ARID1B: variants seen among roughly 807,000 people sequenced by gnomAD.
ARID1B encodes AT-rich interactive domain-containing protein 1B.
ARID1B carries 30 observed loss-of-function variants against 212.3 expected under a neutral mutation model. The ratio of observed to expected loss-of-function variants is 0.14; its 90% CI spans 0.11 to 0.19. ARID1B has a LOEUF of 0.19. Ranked by LOEUF, ARID1B falls within the 10% of genes least tolerant of loss-of-function variation. The pLI is 1.00. For synonymous variants in ARID1B, 1,402 were observed against 1,301.7 expected, an observed-to-expected ratio of 1.08 and a Z score of -1.66; for missense variants, 2,891 against 3,204.0, an observed-to-expected ratio of 0.90 and a Z score of 2.36.
At chr6:157,043,784 T>TA (rs1782041030) in intron 4 of ARID1B, among the ~76,000 whole-genome samples, 1 of 152,248 alleles carries the variant, frequency 6.6e-6, no homozygotes, top group South Asian at 2.1e-4. Flanking sequence ...TTAAGGAAGA[T>TA]ATATTCATTG....
At position 157,162,712 on chromosome 6, in the gene ARID1B, T is replaced by C. The variant is rs1297845892; in HGVS notation, c.3090-4328T>C. Among the ~76,000 whole-genome samples, 3 of 152,196 alleles carry C rather than the reference T, an allele frequency of 2.0e-5. No homozygotes were observed. In the South Asian group the frequency reaches 6.2e-4, roughly 32 times the overall value. ...ACTCCCCAATTTGAACATTGCCATT[T>C]AAGAGGAGGAGGGAGCGGTGCTGTG... On this transcript the variant is annotated intron_variant, in intron 8 of 19. Coordinates refer to ENST00000636930, the MANE Select transcript of ARID1B (RefSeq NM_001374828.1).
At chr6:156,988,502 C>T (rs1477361065) in intron 4 of ARID1B, among the ~76,000 whole-genome samples, 1 of 152,140 alleles carries the variant, frequency 6.6e-6, no homozygotes, top group African/African-American at 2.4e-5. Flanking sequence ...CTGGCCACTC[C>T]TTCCATAGTT....
chr6:156,909,147 A>T, intron 3 of ARID1B, among the ~76,000 whole-genome samples: 1 of 106,074 alleles, frequency 9.4e-6, no homozygotes. Context: ...TTTTTTTGAG[A>T]CAGAGCCTCG....
chr6:156,984,609 G>C (rs978627758), intron 4 of ARID1B: 1 of 152,186 alleles, frequency 6.6e-6, no homozygotes, highest in Admixed American at 6.5e-5. Flanking sequence ...GTGCAGTTGT[G>C]GGTGAAACTT....
intron 2 of ARID1B, among the ~76,000 whole-genome samples, chr6:156,889,351 T>C (rs1252034012): frequency 1.3e-5 from 2 of 152,252 alleles, no homozygotes; most frequent in Non-Finnish European, 2.9e-5. Context: ...TACTCTCGAT[T>C]GGATCCTCAG....
At position 156,837,418 on chromosome 6, in the gene ARID1B, C is replaced by T. The variant is rs370760750; in HGVS notation, c.1986+7997C>T. 2.7e-4 allele frequency among the ~76,000 whole-genome samples: 41 copies of T among 152,274 alleles called. 1 individual carries two copies. In the East Asian group the frequency reaches 6.9e-3, roughly 26 times the overall value. ...ATAAAGTGAAGTCCGGATGGAAACA[C>T]GTTTCAAGATTTATGTTCTGTGCAT... On this transcript the variant is annotated intron_variant, in intron 2 of 19. Coordinates refer to ENST00000636930, the MANE Select transcript of ARID1B (RefSeq NM_001374828.1).
chr6:156,803,069 G>A (rs898372693), intron 1 of ARID1B, among the ~76,000 whole-genome samples: 3 of 150,642 alleles, frequency 2.0e-5, no homozygotes, highest in African/African-American at 7.3e-5. Context: ...AACCTATTTT[G>A]TTTTTTTTTA....
intron 4 of ARID1B, among the ~76,000 whole-genome samples, chr6:157,049,396 T>C (rs535655537): frequency 6.6e-6 from 1 of 152,192 alleles, no homozygotes; most frequent in South Asian, 2.1e-4. Flanking sequence ...GAGGGGTCAG[T>C]GTGAGGAACT....
At chr6:156,878,100 C>A (rs780158045) in intron 2 of ARID1B, among the ~76,000 whole-genome samples, 1 of 152,096 alleles carries the variant, frequency 6.6e-6, no homozygotes, top group Non-Finnish European at 1.5e-5. Flanking sequence ...GGCGGTTGCC[C>A]TTCCTCATGC....
At chr6:157,187,779 G>A (rs962204675) in intron 13 of ARID1B, among the ~76,000 whole-genome samples, 2 of 151,492 alleles carry the variant, frequency 1.3e-5, no homozygotes, top group African/African-American at 4.9e-5. Context: ...AAAAACACTG[G>A]CAAGGGAGAT....
chr6:157,060,460 A>G (rs1783266308), intron 4 of ARID1B, among the ~76,000 whole-genome samples: 2 of 152,182 alleles, frequency 1.3e-5, no homozygotes, highest in Admixed American at 1.3e-4. Context: ...GTCTAGTGCC[A>G]TAGAAGAATA....
intron 8 of ARID1B, among the ~76,000 whole-genome samples, chr6:157,156,707 G>A (rs1018550469): frequency 5.3e-5 from 8 of 152,148 alleles, no homozygotes; most frequent in African/African-American, 1.9e-4. Flanking sequence ...GCCAAGGCGC[G>A]GGAGCCTCAA....
chr6:157,050,112 G>A (rs1782496773), intron 4 of ARID1B, among the ~76,000 whole-genome samples: 1 of 152,172 alleles, frequency 6.6e-6, no homozygotes. Flanking sequence ...CTCACTGAGG[G>A]TCTTCCATCC....
At position 157,084,720 on chromosome 6, in the gene ARID1B, C is replaced by A. The variant is rs2128462385; in HGVS notation, c.2306C>A (p.Ala769Glu). 1.9e-6 allele frequency: 3 copies of A among 1,614,180 alleles called. No individual in the cohort carries two copies. The highest frequency in any genetic ancestry group is 2.5e-6 in the Non-Finnish European group (3 of 1,180,032). ...PTGTEATLSS[A>E]VSASGSTSSQ... ...GGAACGGAAGCAACTTTGAGCTCAG[C>A]AGTCAGTGCATCCGGGTCCACGAGC... The change falls in exon 5 of 20, where the codon GCA becomes GAA. Residue 769 changes from alanine (A) to glutamate (E), a missense_variant. Ala to Glu is a moderately radical substitution (Grantham distance 107). This residue lies in a region of ARID1B where 1,643 missense variants were observed against 1,544.0 expected (regional missense o/e 1.06). Coordinates refer to ENST00000636930, the MANE Select transcript of ARID1B (RefSeq NM_001374828.1).
In ARID1B at chr6:157,207,436, A is replaced by C; in HGVS notation, c.6664A>C (p.Ile2222Leu). 1.2e-6 allele frequency: 2 copies of C among 1,614,040 alleles called. No homozygotes were observed. The highest frequency in any genetic ancestry group is 1.1e-5 in the South Asian group (1 of 91,078). Residue 2222 changes from isoleucine (I) to leucine (L), a missense_variant, in exon 20 of 20, where the codon ATC (isoleucine) becomes CTC (leucine). Transcript: ENST00000636930. The surrounding 1 kb of genome is among the most constrained non-coding windows in gnomAD (Gnocchi z 8.5). ...TATCCAGGACAATAATGTGGACCTG[A>C]TCTTGGCCACTCCTCCATTTAGTCG... The part of the protein sequence containing the change: ...LSIQDNNVDL[I>L]LATPPFSRQE...
At chr6:156,791,155 G>A (rs1180707853) in intron 1 of ARID1B, among the ~76,000 whole-genome samples, 1 of 152,214 alleles carries the variant, frequency 6.6e-6, no homozygotes, top group Non-Finnish European at 1.5e-5. Flanking sequence ...CAGCTGTTAA[G>A]ATATTTGAGC....
intron 1 of ARID1B, among the ~76,000 whole-genome samples, chr6:156,794,452 T>C (rs1334589368): frequency 6.6e-6 from 1 of 152,004 alleles, no homozygotes. Context: ...GGTCTTGCTG[T>C]GTTGCCCAGG....
chr6:156,896,977 T>C (rs1487205713), intron 2 of ARID1B, among the ~76,000 whole-genome samples: 3 of 152,154 alleles, frequency 2.0e-5, no homozygotes, highest in Non-Finnish European at 4.4e-5. Context: ...GTTCAGGGTA[T>C]GGTGAAATGA....
At chr6:157,004,962 G>T (rs1415445381) in intron 4 of ARID1B, among the ~76,000 whole-genome samples, 1 of 122,138 alleles carries the variant, frequency 8.2e-6, no homozygotes, top group Non-Finnish European at 1.6e-5. Context: ...GTCCAGGCTG[G>T]AGTACAGTGG....
Sources: gnomAD v4.1 joint callset for allele counts (sites outside exome capture counted in the v4.1 genomes callset) on GRCh38, gnomAD v4.1.1 for gene constraint, gnomAD v4.1.1 regional missense constraint, Gnocchi (gnomAD v3.1) non-coding constraint, MANE v1.5 for transcripts, NCBI Gene and HGNC (gene_info 2026-07-23, HGNC 2026-07-21) for gene names.